Variants in LRMDA observed in about 807,000 individuals in gnomAD.
The protein encoded by LRMDA is leucine-rich melanocyte differentiation-associated protein.
A neutral mutation model predicts 29.8 loss-of-function variants in LRMDA; 18 were observed. That is an observed-to-expected ratio of 0.60 (90% CI 0.42 to 0.90). The LOEUF is 0.90. LRMDA is among the 40% of genes least tolerant of loss of function. LRMDA has a pLI of 0.00. For missense variants in LRMDA, 273 were observed against 273.9 expected (o/e 1.00, Z 0.02); for synonymous variants, 125 against 109.4 (o/e 1.14, Z -0.89).
chr10:75,912,704 T>A (rs1339840968), intron 2 of LRMDA, among the ~76,000 whole-genome samples: 2 of 152,178 alleles, frequency 1.3e-5, no homozygotes, highest in African/African-American at 4.8e-5. Flanking sequence ...GGCTGAGACA[T>A]GTAGCCTTGC....
intron 2 of LRMDA, among the ~76,000 whole-genome samples, chr10:75,580,509 T>C (rs1350133593): frequency 6.6e-6 from 1 of 152,160 alleles, no homozygotes; most frequent in Non-Finnish European, 1.5e-5. Flanking sequence ...AATTTAAAGA[T>C]TCAATGCCTT....
rs553229359 is a variant in LRMDA at position 75,566,557 on chromosome 10, A to G, written c.131+128063A>G. On this transcript the variant is annotated intron_variant, in intron 2 of 6. Transcript: ENST00000611255. Reference sequence around the variant, plus strand: ...TTTCTAGGCACAAACTCCAATGGCAATTTCTCTCTTTGCCTTCTCCTTGAC... The same window carrying G: ...TTTCTAGGCACAAACTCCAATGGCAGTTTCTCTCTTTGCCTTCTCCTTGAC... Among the ~76,000 whole-genome samples, 79 of 152,064 alleles carry G rather than the reference A, an allele frequency of 5.2e-4. 1 individual carries two copies. Among genetic ancestry groups the G allele is most frequent in the Middle Eastern group, 3.4e-3 (1 of 294 alleles).
intron 6 of LRMDA, among the ~76,000 whole-genome samples, chr10:76,377,596 T>C (rs1194914449): frequency 6.6e-6 from 1 of 152,218 alleles, no homozygotes; most frequent in Non-Finnish European, 1.5e-5. Flanking sequence ...CTTTCGCATA[T>C]GGCTACCCAA....
At chr10:76,399,445 A>T (rs1841824589) in intron 6 of LRMDA, among the ~76,000 whole-genome samples, 1 of 152,226 alleles carries the variant, frequency 6.6e-6, no homozygotes. Flanking sequence ...TTGCCAGGGC[A>T]TCCTCATTCC....
At chr10:75,727,659 T>G (rs1008035611) in intron 2 of LRMDA, among the ~76,000 whole-genome samples, 1 of 152,260 alleles carries the variant, frequency 6.6e-6, no homozygotes, top group African/African-American at 2.4e-5. Context: ...TTTTAGCAAG[T>G]TATTTTACAT....
At chr10:75,478,970 C>A (rs1383503775) in intron 2 of LRMDA, among the ~76,000 whole-genome samples, 2 of 152,176 alleles carry the variant, frequency 1.3e-5, no homozygotes, top group Non-Finnish European at 2.9e-5. Flanking sequence ...GTATCTGGAC[C>A]TGCACCCCCA....
intron 5 of LRMDA, among the ~76,000 whole-genome samples, chr10:76,103,373 GGA>G (rs1849427372): frequency 6.6e-6 from 1 of 152,298 alleles, no homozygotes; most frequent in East Asian, 1.9e-4. Context: ...GTTGCCAGTG[GGA>G]GAGTTTCCTC....
At chr10:76,407,280 T>C (rs1358616702) in intron 6 of LRMDA, among the ~76,000 whole-genome samples, 7 of 152,206 alleles carry the variant, frequency 4.6e-5, no homozygotes, top group Non-Finnish European at 1.5e-5. Context: ...GGGAAGACTC[T>C]GTCCTATCCT....
At chr10:76,412,358 T>G (rs141978867) in intron 6 of LRMDA, among the ~76,000 whole-genome samples, 1 of 152,200 alleles carries the variant, frequency 6.6e-6, no homozygotes, top group South Asian at 2.1e-4. Context: ...TGGTGGACTC[T>G]TCTGATGTAA....
At chr10:76,172,137 A>T (rs1850850515) in intron 5 of LRMDA, among the ~76,000 whole-genome samples, 2 of 152,184 alleles carry the variant, frequency 1.3e-5, no homozygotes, top group African/African-American at 4.8e-5. Context: ...TCACCACTGT[A>T]GGAAGGCACT....
chr10:76,108,236 C>T (rs969331378), intron 5 of LRMDA, among the ~76,000 whole-genome samples: 6 of 152,060 alleles, frequency 3.9e-5, no homozygotes, highest in African/African-American at 9.7e-5. Context: ...TCCAATTGAT[C>T]GGCGAACAAA....
chr10:76,537,407 A>G (rs1031665517), intron 6 of LRMDA, among the ~76,000 whole-genome samples: 31 of 152,192 alleles, frequency 2.0e-4, no homozygotes, highest in African/African-American at 7.2e-4. Flanking sequence ...CCTTCTTCTT[A>G]TGCTTATCCT....
At chr10:76,434,831 G>A (rs1051133476) in intron 6 of LRMDA, among the ~76,000 whole-genome samples, 1 of 152,170 alleles carries the variant, frequency 6.6e-6, no homozygotes, top group African/African-American at 2.4e-5. Context: ...ACCTGTACAC[G>A]CACACACTGC....
intron 5 of LRMDA, among the ~76,000 whole-genome samples, chr10:76,268,242 T>A (rs1287663315): frequency 6.6e-6 from 1 of 152,222 alleles, no homozygotes; most frequent in Non-Finnish European, 1.5e-5. Flanking sequence ...AAACTGCTTC[T>A]AATCAGCTGT....
chr10:75,646,947 T>A (rs1841529420), intron 2 of LRMDA, among the ~76,000 whole-genome samples: 1 of 152,204 alleles, frequency 6.6e-6, no homozygotes, highest in African/African-American at 2.4e-5. Flanking sequence ...AATGGACACA[T>A]TTTTTGTTGG....
chr10:75,842,170 T>G (rs1443459660), intron 2 of LRMDA, among the ~76,000 whole-genome samples: 1 of 152,228 alleles, frequency 6.6e-6, no homozygotes, highest in East Asian at 1.9e-4. Context: ...GTTTTTACAT[T>G]TTAAATCATG....
chr10:76,150,303 G>T (rs907604285), intron 5 of LRMDA, among the ~76,000 whole-genome samples: 5 of 152,206 alleles, frequency 3.3e-5, no homozygotes, highest in African/African-American at 9.6e-5. Context: ...GCGTGTGGGT[G>T]CCTCATCTGC....
chr10:76,425,734 T>G (rs1449449866), intron 6 of LRMDA, among the ~76,000 whole-genome samples: 1 of 151,784 alleles, frequency 6.6e-6, no homozygotes, highest in Non-Finnish European at 1.5e-5. Flanking sequence ...GTGTATCTCC[T>G]AATGCTATCC....
intron 5 of LRMDA, among the ~76,000 whole-genome samples, chr10:76,134,203 G>C (rs1281903766): frequency 6.6e-6 from 1 of 152,242 alleles, no homozygotes; most frequent in East Asian, 1.9e-4. Context: ...CAGTTTCTGA[G>C]AGAATTTCGG....
Sources: gnomAD v4.1 joint callset for allele counts (sites outside exome capture counted in the v4.1 genomes callset) on GRCh38, gnomAD v4.1.1 for gene constraint, MANE v1.5 for transcripts, NCBI Gene and HGNC (gene_info 2026-07-23, HGNC 2026-07-21) for gene names.